NDUFA10: variants seen among roughly 807,000 people sequenced by gnomAD.
NDUFA10 encodes the protein NADH dehydrogenase [ubiquinone] 1 alpha subcomplex subunit 10, mitochondrial.
NDUFA10 carries 40 observed loss-of-function variants against 47.8 expected under a neutral mutation model. The observed-to-expected ratio is 0.84, with a 90% confidence interval of 0.65 to 1.09. NDUFA10 has a LOEUF of 1.09. Among genes scored for constraint, NDUFA10 ranks in the 50% least tolerant of loss-of-function variants. The pLI is 0.00. For synonymous variants in NDUFA10, 183 were observed against 172.2 expected (o/e 1.06, Z -0.49); for missense variants, 413 against 451.1 (o/e 0.92, Z 0.76).
At chr2:240,024,710 T>A (rs1230742337) in intron 1 of NDUFA10, among the ~76,000 whole-genome samples, 2 of 152,236 alleles carry the variant, frequency 1.3e-5, no homozygotes, top group African/African-American at 4.8e-5. Flanking sequence ...CCAACTGTGT[T>A]ACAAATGTAT....
At chr2:239,929,801 G>T (rs905513281) in intron 4 of NDUFA10, among the ~76,000 whole-genome samples, 1 of 138,072 alleles carries the variant, frequency 7.2e-6, no homozygotes, top group African/African-American at 2.7e-5. Flanking sequence ...CTCCTCCACT[G>T]CCCCTGCTCC....
intron 4 of NDUFA10, among the ~76,000 whole-genome samples, chr2:239,939,110 G>A (rs957399962): frequency 2.0e-5 from 3 of 152,232 alleles, no homozygotes; most frequent in East Asian, 3.9e-4. Flanking sequence ...GCGCCCAGGC[G>A]TGGGGAGGAT....
At chr2:239,952,244 G>T (rs1694568548) in intron 4 of NDUFA10, among the ~76,000 whole-genome samples, 1 of 151,346 alleles carries the variant, frequency 6.6e-6, no homozygotes, top group East Asian at 2.0e-4. Context: ...GGGGGCGCAG[G>T]GAGGGGGCTG....
chr2:239,931,640 A>G (rs1303827011), intron 4 of NDUFA10, among the ~76,000 whole-genome samples: 1 of 152,184 alleles, frequency 6.6e-6, no homozygotes, highest in Non-Finnish European at 1.5e-5. Context: ...GTGCCCAGTC[A>G]GTGTTTACTC....
At chr2:240,003,544 G>A (rs977286490) in intron 8 of NDUFA10, among the ~76,000 whole-genome samples, 2 of 152,150 alleles carry the variant, frequency 1.3e-5, no homozygotes, top group African/African-American at 4.8e-5. Context: ...TCCCCAAATA[G>A]CTACTCATGT....
downstream of NDUFA10, among the ~76,000 whole-genome samples, chr2:239,956,626 C>T (rs943954090): frequency 6.6e-6 from 1 of 152,182 alleles, no homozygotes; most frequent in African/African-American, 2.4e-5. Flanking sequence ...AGAGGGCAGA[C>T]CAGTGGAAAT....
intron 8 of NDUFA10, among the ~76,000 whole-genome samples, chr2:240,002,621 C>A (rs539574431): frequency 6.6e-6 from 1 of 152,242 alleles, no homozygotes; most frequent in East Asian, 1.9e-4. Flanking sequence ...TCCCAAGTCA[C>A]ACAGCCAGCT....
intron 9 of NDUFA10, among the ~76,000 whole-genome samples, chr2:239,964,182 C>A (rs116198936): frequency 0.013 from 2,035 of 152,202 alleles, 43 homozygotes; most frequent in African/African-American, 0.046. Context: ...CATGAGCTCA[C>A]CTGGCAAAAG....
intron 9 of NDUFA10, among the ~76,000 whole-genome samples, chr2:239,968,847 G>A (rs1695197008): frequency 6.6e-6 from 1 of 152,182 alleles, no homozygotes; most frequent in South Asian, 2.1e-4. Flanking sequence ...CCACTGGCCA[G>A]AGCAGAGGGG....
At chr2:239,953,701 AC>A (rs1227905679), downstream of NDUFA10, among the ~76,000 whole-genome samples, 1 of 145,246 alleles carries the variant, frequency 6.9e-6, no homozygotes, top group African/African-American at 2.7e-5. Context: ...GGCACCGCGA[AC>A]GTAAGTAGCG....
intron 7 of NDUFA10, 127 bp from the exon 8 acceptor site, chr2:240,005,422 C>T: frequency 1.3e-6 from 1 of 748,914 alleles, no homozygotes; most frequent in Non-Finnish European, 2.3e-6. Flanking sequence ...AATCACAGCA[C>T]ACTGCAGCCT....
chr2:239,986,158 C>T (rs759442269), intron 9 of NDUFA10, among the ~76,000 whole-genome samples: 5 of 152,080 alleles, frequency 3.3e-5, no homozygotes, highest in Non-Finnish European at 7.3e-5. Context: ...AACACAAAAG[C>T]CAGAAGTATA....
intron 4 of NDUFA10, among the ~76,000 whole-genome samples, chr2:239,929,376 T>C (rs1311814249): frequency 1.3e-5 from 2 of 152,174 alleles, no homozygotes; most frequent in African/African-American, 4.8e-5. Flanking sequence ...GCCATTTCTC[T>C]TGTGGTCTCA....
At chr2:239,950,237 G>A (rs191689397) in intron 4 of NDUFA10, among the ~76,000 whole-genome samples, 42 of 152,312 alleles carry the variant, frequency 2.8e-4, no homozygotes, top group African/African-American at 9.6e-4. Context: ...AAGAAGCTGA[G>A]ATGATGCATC....
intron 9 of NDUFA10, among the ~76,000 whole-genome samples, chr2:239,965,620 G>A (rs557293631): frequency 1.3e-5 from 2 of 152,296 alleles, no homozygotes; most frequent in Admixed American, 6.5e-5. Flanking sequence ...GTGTGTGGCT[G>A]TGCGTCCAAA....
chr2:239,951,430 G>A (rs560352272), intron 4 of NDUFA10, among the ~76,000 whole-genome samples: 23 of 152,304 alleles, frequency 1.5e-4, no homozygotes, highest in African/African-American at 4.3e-4. Flanking sequence ...TAACGAGGCC[G>A]TTTCTCTTGT....
chr2:239,994,401 G>C (rs1422893901), intron 8 of NDUFA10, among the ~76,000 whole-genome samples: 1 of 151,954 alleles, frequency 6.6e-6, no homozygotes, highest in Non-Finnish European at 1.5e-5. Context: ...AAGGGATCTA[G>C]TTTGCACACT....
downstream of NDUFA10, among the ~76,000 whole-genome samples, chr2:239,955,829 C>T (rs1488865978): frequency 6.6e-6 from 1 of 152,184 alleles, no homozygotes; most frequent in Admixed American, 6.5e-5. Flanking sequence ...GATACTACCT[C>T]ACCTGTGGGC....
chr2:239,923,700 T>A, intron 4 of NDUFA10, among the ~76,000 whole-genome samples: 1 of 145,142 alleles, frequency 6.9e-6, no homozygotes, highest in Non-Finnish European at 1.5e-5. Flanking sequence ...ACAAATAAGC[T>A]AGGAAAAAGG....
Sources: allele counts gnomAD v4.1 joint callset (sites outside exome capture counted in the v4.1 genomes callset), GRCh38; gene constraint gnomAD v4.1.1; transcripts MANE v1.5; gene names NCBI Gene and HGNC (gene_info 2026-07-23, HGNC 2026-07-21).